The following SIPA1L1 variants were observed in gnomAD, a reference collection of about 807,000 sequenced individuals.
SIPA1L1 encodes the protein signal induced proliferation associated 1 like 1.
A neutral mutation model predicts 162.7 loss-of-function variants in SIPA1L1; 26 were observed. The observed-to-expected ratio is 0.16, with a 90% CI of 0.12 to 0.22. The LOEUF is 0.22. Among genes scored for constraint, SIPA1L1 ranks in the 10% least tolerant of loss-of-function variants. SIPA1L1 has a pLI of 1.00. For missense variants in SIPA1L1, 1,874 were observed against 2,241.0 expected (o/e 0.84, Z 3.31); for synonymous variants, 829 against 837.4 (o/e 0.99, Z 0.17).
chr14:71,527,821 T>C (rs1008049677), intron 3 of SIPA1L1, among the ~76,000 whole-genome samples: 2 of 152,164 alleles, frequency 1.3e-5, no homozygotes, highest in East Asian at 3.8e-4. Context: ...TCCCTCTTAA[T>C]TGAAAGTGTG....
chr14:71,599,794 T>TTAA (rs1359014301), intron 5 of SIPA1L1, among the ~76,000 whole-genome samples: 50 of 152,334 alleles, frequency 3.3e-4, no homozygotes, highest in African/African-American at 1.2e-3. Context: ...TTTTGTCTTT[T>TTAA]TAATAATACC....
intron 4 of SIPA1L1, among the ~76,000 whole-genome samples, chr14:71,569,595 C>T (rs764540869): frequency 2.0e-5 from 3 of 152,082 alleles, no homozygotes; most frequent in Non-Finnish European, 4.4e-5. Flanking sequence ...AAGGGGAAAC[C>T]CTCTGTCTGA....
At chr14:71,614,896 A>T (rs936463493) in intron 5 of SIPA1L1, among the ~76,000 whole-genome samples, 2 of 152,106 alleles carry the variant, frequency 1.3e-5, no homozygotes, top group African/African-American at 4.8e-5. Flanking sequence ...GTAATACTAA[A>T]ATGATTGTTT....
At chr14:71,365,431 C>T (rs796792689) in intron 2 of SIPA1L1, among the ~76,000 whole-genome samples, 7 of 152,258 alleles carry the variant, frequency 4.6e-5, no homozygotes, top group African/African-American at 1.7e-4. Context: ...CCTCTTTCCA[C>T]TATTGCCCGT....
intron 13 of SIPA1L1, among the ~76,000 whole-genome samples, chr14:71,691,945 T>C (rs531150085): frequency 2.6e-5 from 4 of 152,344 alleles, no homozygotes; most frequent in African/African-American, 7.2e-5. Flanking sequence ...ACTTAGCCTG[T>C]CTTATTCATC....
At chr14:71,443,646 G>C (rs909039693) in intron 2 of SIPA1L1, among the ~76,000 whole-genome samples, 5 of 152,148 alleles carry the variant, frequency 3.3e-5, no homozygotes, top group African/African-American at 1.2e-4. Flanking sequence ...TATTTTTCAT[G>C]ATGGTAATGA....
chr14:71,731,524 G>A (rs889337263), intron 20 of SIPA1L1, among the ~76,000 whole-genome samples: 1 of 152,058 alleles, frequency 6.6e-6, no homozygotes, highest in African/African-American at 2.4e-5. Context: ...CCTACATCGG[G>A]GTCAGTCTTC....
intron 2 of SIPA1L1, among the ~76,000 whole-genome samples, chr14:71,466,387 T>G (rs912368015): frequency 6.6e-6 from 1 of 152,196 alleles, no homozygotes; most frequent in Non-Finnish European, 1.5e-5. Context: ...AGAGGTGGTG[T>G]TGCCCACACT....
chr14:71,578,810 T>G (rs982653301), intron 4 of SIPA1L1, among the ~76,000 whole-genome samples: 1 of 152,232 alleles, frequency 6.6e-6, no homozygotes, highest in Non-Finnish European at 1.5e-5. Context: ...TGACTTTGCT[T>G]CTTGGGAGCA....
At position 71,733,246 on chromosome 14, in the gene SIPA1L1, G is replaced by A. The variant is rs117368612; in HGVS notation, c.4862-420G>A. Among the ~76,000 whole-genome samples, 212 of 152,274 alleles carry A rather than the reference G, an allele frequency of 1.4e-3. 1 individual carries two copies. The highest frequency in any genetic ancestry group is 2.5e-3 in the Non-Finnish European group (167 of 68,014). ...AAAATAAGCCCTATTGTCCCCTCTA[G>A]TAGGAAGAAACATCCCTGGTCTGGC... On this transcript the variant is annotated intron_variant, in intron 20 of 23. Transcript: ENST00000381232.
Position 71,672,370 on chromosome 14 carries a change from C to A in SIPA1L1, c.2852C>A (p.Ser951Ter). The change falls in exon 12 of 24, where the codon TCG (serine) becomes TAG (stop). Residue 951 changes from serine (S) to a stop codon, truncating the protein, a stop_gained. Transcript: ENST00000381232. LOFTEE classifies it high-confidence loss of function. ...TAGTTTGTTTCAAAAGGCTGTGAAT[C>A]GGTGGAGATGACTCTGCGAAGAAAT... is the stretch of plus-strand genomic sequence containing the variant. ...RLQFVSKGCE[S>*]VEMTLRRNGL... The A allele has an allele frequency of 6.2e-7, 1 of 1,614,146 alleles. No individual in the cohort carries two copies. The highest frequency in any genetic ancestry group is 1.3e-5 in the African/African-American group (1 of 75,048).
chr14:71,356,634 G>T (rs1036254886), intron 2 of SIPA1L1, among the ~76,000 whole-genome samples: 2 of 148,990 alleles, frequency 1.3e-5, no homozygotes, highest in African/African-American at 5.0e-5. Context: ...CAGGAGGATC[G>T]CTTGAGCCCA....
chr14:71,579,809 C>T (rs966561235), intron 4 of SIPA1L1, among the ~76,000 whole-genome samples: 8 of 152,122 alleles, frequency 5.3e-5, no homozygotes, highest in African/African-American at 1.9e-4. Context: ...TTTTCAAGTG[C>T]AGTTTCTTAA....
chr14:71,328,870 A>G (rs1327284294), intron 2 of SIPA1L1, among the ~76,000 whole-genome samples: 1 of 152,240 alleles, frequency 6.6e-6, no homozygotes, highest in Non-Finnish European at 1.5e-5. Context: ...GTCATGAAAC[A>G]GATTTCCAGG....
intron 12 of SIPA1L1, among the ~76,000 whole-genome samples, chr14:71,676,791 A>G (rs906653994): frequency 6.6e-6 from 1 of 151,960 alleles, no homozygotes; most frequent in South Asian, 2.1e-4. Flanking sequence ...CTATGTCCCT[A>G]CAAAGGACAT....
chr14:71,543,687 T>C (rs1255664457), intron 4 of SIPA1L1, among the ~76,000 whole-genome samples: 1 of 151,200 alleles, frequency 6.6e-6, no homozygotes, highest in Non-Finnish European at 1.5e-5. Context: ...ATTCATGCGG[T>C]CAGTAACTTT....
intron 2 of SIPA1L1, among the ~76,000 whole-genome samples, chr14:71,405,651 G>A (rs951380938): frequency 1.3e-5 from 2 of 152,158 alleles, no homozygotes; most frequent in Non-Finnish European, 2.9e-5. Context: ...GACACAACCT[G>A]CTGTTGTGCT....
intron 2 of SIPA1L1, among the ~76,000 whole-genome samples, chr14:71,506,521 A>T (rs2050682784): frequency 6.6e-6 from 1 of 151,956 alleles, no homozygotes; most frequent in Non-Finnish European, 1.5e-5. Context: ...TTGTACTTTT[A>T]GTAGAGACGG....
In SIPA1L1 at chr14:71,672,449, G is replaced by A; in HGVS notation, c.2931G>A (p.Val977=). ...HVNYEGIVAD[V]EPYGYAWQAG... ...ACTATGAGGGCATTGTGGCGGATGT[G>A]GAGCCCTACGGTTATGCCTGGCAGG... is the stretch of plus-strand genomic sequence containing the variant. Residue 977 remains valine, a synonymous_variant, in exon 12 of 24, where the codon GTG becomes GTA. Coordinates refer to ENST00000381232, the MANE Select transcript of SIPA1L1 (RefSeq NM_001386936.1). The A allele has an allele frequency of 6.2e-7, 1 of 1,614,220 alleles. No individual in the cohort carries two copies. Among genetic ancestry groups the A allele is most frequent in the Non-Finnish European group, 8.5e-7 (1 of 1,180,040 alleles).
Sources: allele counts gnomAD v4.1 joint callset (sites outside exome capture counted in the v4.1 genomes callset), GRCh38; gene constraint gnomAD v4.1.1; transcripts MANE v1.5; gene names NCBI Gene and HGNC (gene_info 2026-07-23, HGNC 2026-07-21).